Variants in SLC12A2 observed in about 807,000 individuals in gnomAD.
The protein encoded by SLC12A2 is solute carrier family 12 member 2.
SLC12A2 carries 67 observed loss-of-function variants against 136.3 expected under a neutral mutation model. That is an observed-to-expected ratio of 0.49 (90% CI 0.40 to 0.60). The LOEUF (loss-of-function observed/expected upper bound fraction) is 0.60, where lower values mean the gene tolerates loss of function less well. SLC12A2 is among the 20% of genes least tolerant of loss of function. The pLI, the probability that SLC12A2 is intolerant of heterozygous loss-of-function variation, is 0.00. For missense variants in SLC12A2, 1,322 were observed against 1,534.7 expected (o/e 0.86, Z 2.32); for synonymous variants, 619 against 562.9 (o/e 1.10, Z -1.41).
chr5:128,122,116 C>A (rs1277951296), intron 4 of SLC12A2, among the ~76,000 whole-genome samples: 1 of 152,210 alleles, frequency 6.6e-6, no homozygotes, highest in Non-Finnish European at 1.5e-5. Flanking sequence ...TCCTCAACCA[C>A]TTTTTGCTTG....
In SLC12A2 at chr5:128,148,822, A is replaced by G; in HGVS notation, c.1950A>G (p.Glu650=). The change falls in exon 12 of 27, where the codon GAA becomes GAG. Residue 650 remains glutamate (E), a synonymous_variant. Coordinates refer to ENST00000262461, the MANE Select transcript of SLC12A2 (RefSeq NM_001046.3). Reference sequence around the variant, plus strand: ...CTAAAGGTTATGGGAAAAATAATGAACCTCTTCGTGGCTACATCTTAACAT... The same window carrying G: ...CTAAAGGTTATGGGAAAAATAATGAGCCTCTTCGTGGCTACATCTTAACAT... The part of the protein sequence containing the change: ...MFAKGYGKNN[E]PLRGYILTFL... 1 of 1,608,326 alleles carries G rather than the reference A, an allele frequency of 6.2e-7. No homozygotes were observed. Among genetic ancestry groups the G allele is most frequent in the East Asian group, 2.2e-5 (1 of 44,626 alleles).
At chr5:128,088,324 G>A (rs1760180315) in intron 1 of SLC12A2, among the ~76,000 whole-genome samples, 1 of 152,080 alleles carries the variant, frequency 6.6e-6, no homozygotes, top group South Asian at 2.1e-4. Context: ...CTGATGCTAG[G>A]AATTGATTTA....
chr5:128,147,591 T>C, intron 10 of SLC12A2, 31 bp from the exon 11 acceptor site: 1 of 1,399,004 alleles, frequency 7.1e-7, no homozygotes, highest in Admixed American at 1.7e-5. Flanking sequence ...TTGTGAGATT[T>C]ATTTTTCCAT....
At chr5:128,089,615 G>A (rs541091784) in intron 1 of SLC12A2, among the ~76,000 whole-genome samples, 2 of 152,258 alleles carry the variant, frequency 1.3e-5, no homozygotes, top group African/African-American at 4.8e-5. Context: ...ATAACTGACA[G>A]AAATCAAGAG....
chr5:128,138,926 T>C lies in SLC12A2; in HGVS notation c.1621+18T>C. The C allele has an allele frequency of 2.0e-6, 3 of 1,529,380 alleles. No homozygotes were observed. Among genetic ancestry groups the C allele is most frequent in the Non-Finnish European group, 2.7e-6 (3 of 1,107,468 alleles). The allele number at this position is 1,529,380 out of a possible 1,614,324, so 94.7% of individuals were successfully genotyped here. On this transcript the variant is annotated intron_variant, in intron 9 of 26. Coordinates refer to ENST00000262461, the MANE Select transcript of SLC12A2 (RefSeq NM_001046.3). Reference sequence around the variant, plus strand: ...ATCTGTAGGTAAATAGTTTCACATTTCTTTATGTGTCGCAGAAATTTCATG... The same window carrying C: ...ATCTGTAGGTAAATAGTTTCACATTCCTTTATGTGTCGCAGAAATTTCATG...
intron 1 of SLC12A2, chr5:128,110,540 AAC>A: frequency 1.5e-6 from 2 of 1,371,530 alleles, no homozygotes; most frequent in Non-Finnish European, 2.1e-6. Context: ...CCCATTGTGA[AAC>A]ACATTTCATT....
At chr5:128,108,926 G>C (rs1039462205) in intron 1 of SLC12A2, among the ~76,000 whole-genome samples, 1 of 152,140 alleles carries the variant, frequency 6.6e-6, no homozygotes, top group African/African-American at 2.4e-5. Context: ...ATAATCATTG[G>C]TTGATAATAG....
chr5:128,135,614 C>T (rs1581099732), intron 6 of SLC12A2, 86 bp from the exon 7 acceptor site: 2 of 887,340 alleles, frequency 2.3e-6, no homozygotes, highest in Non-Finnish European at 3.7e-6. Flanking sequence ...AAATTCTTTC[C>T]CTCATGGAAG....
At chr5:128,126,340 C>T (rs1761794579) in intron 4 of SLC12A2, among the ~76,000 whole-genome samples, 1 of 152,124 alleles carries the variant, frequency 6.6e-6, no homozygotes, top group Admixed American at 6.5e-5. Flanking sequence ...CATCACTGGT[C>T]ATCAGAGAAA....
intron 16 of SLC12A2, among the ~76,000 whole-genome samples, chr5:128,160,256 G>A (rs1762997160): frequency 1.3e-5 from 2 of 152,042 alleles, no homozygotes; most frequent in Non-Finnish European, 2.9e-5. Flanking sequence ...GGGGGCTCGG[G>A]GAGGGATAGC....
chr5:128,126,088 GTTC>G (rs1761782785), intron 4 of SLC12A2, among the ~76,000 whole-genome samples: 2 of 151,970 alleles, frequency 1.3e-5, no homozygotes, highest in African/African-American at 4.8e-5. Flanking sequence ...TTCTAACTTT[GTTC>G]TTCTTTTTCA....
At chr5:128,097,325 TTAAG>T (rs1288167163) in intron 1 of SLC12A2, among the ~76,000 whole-genome samples, 1 of 152,108 alleles carries the variant, frequency 6.6e-6, no homozygotes, top group Non-Finnish European at 1.5e-5. Flanking sequence ...CTATCTAGCA[TTAAG>T]TAACATTAGT....
rs551785628 is a variant in SLC12A2 at position 128,182,003 on chromosome 5, T to C, written c.3213-852T>C. Among the ~76,000 whole-genome samples, 212 of 150,230 alleles carry C rather than the reference T, an allele frequency of 1.4e-3. 1 individual carries two copies. The highest frequency in any genetic ancestry group is 2.3e-3 in the Admixed American group (35 of 15,090). The stretch of plus-strand genomic sequence containing the variant: ...AATATACTTTTATACCTACCACTCA[T>C]CACATTATGGCTGGTATTATATTTA... On this transcript the variant is annotated intron_variant, in intron 23 of 26. Coordinates refer to ENST00000262461, the MANE Select transcript of SLC12A2 (RefSeq NM_001046.3).
chr5:128,169,168 G>GT (rs1763292880), intron 18 of SLC12A2: 1 of 151,890 alleles, frequency 6.6e-6, no homozygotes. Flanking sequence ...TTGAGGAGTA[G>GT]TTTTTTTCTC....
chr5:128,167,290 C>T (rs944544250), intron 17 of SLC12A2, among the ~76,000 whole-genome samples: 2 of 152,074 alleles, frequency 1.3e-5, no homozygotes, highest in African/African-American at 4.8e-5. Context: ...AGGAAATTAA[C>T]TAGCCAGATG....
intron 17 of SLC12A2, among the ~76,000 whole-genome samples, chr5:128,166,635 C>T (rs1474960933): frequency 6.6e-6 from 1 of 151,826 alleles, no homozygotes; most frequent in Non-Finnish European, 1.5e-5. Flanking sequence ...GACGGAAGTA[C>T]ATATTACCAA....
In SLC12A2 at chr5:128,152,735, C is replaced by G. The variant is rs548545596; in HGVS notation, c.2293C>G (p.Leu765Val). The change falls in exon 15 of 27, where the codon CTG becomes GTG. Residue 765 changes from leucine to valine, a missense_variant. By Grantham distance (32) the Leu-to-Val change is conservative (BLOSUM62 1). Transcript: ENST00000262461. ...DVNWGSSTQALTYLNALQHSI... is the reference protein window; with the variant it reads ...DVNWGSSTQAVTYLNALQHSI... ...GAATTGGGGATCCTCTACACAAGCC[C>G]TGACTTACCTGAATGCACTGCAGCA... The G allele has an allele frequency of 2.2e-5, 35 of 1,613,626 alleles. No individual in the cohort carries two copies. In the South Asian group the frequency reaches 3.7e-4, roughly 17 times the overall value.
intron 23 of SLC12A2, 28 bp downstream of exon 23, chr5:128,181,022 G>C (rs1763688287): frequency 8.1e-7 from 1 of 1,242,008 alleles, no homozygotes; most frequent in Non-Finnish European, 1.2e-6. Flanking sequence ...TGAAGGGCAT[G>C]AATCTATTAG....
intron 4 of SLC12A2, among the ~76,000 whole-genome samples, chr5:128,120,723 G>A (rs1761534430): frequency 6.6e-6 from 1 of 151,952 alleles, no homozygotes; most frequent in Non-Finnish European, 1.5e-5. Context: ...GTGAGGGGAG[G>A]TGGGAGGGAT....
Sources: allele counts gnomAD v4.1 joint callset (sites outside exome capture counted in the v4.1 genomes callset), GRCh38; gene constraint gnomAD v4.1.1; transcripts MANE v1.5; gene names NCBI Gene and HGNC (gene_info 2026-07-23, HGNC 2026-07-21).